The following WASHC5 variants were observed in gnomAD, a reference collection of about 807,000 sequenced individuals.
The protein encoded by WASHC5 is WASH complex subunit strumpellin.
Under a neutral mutation model 150.4 loss-of-function variants are expected in WASHC5, and 101 were observed. The ratio of observed to expected loss-of-function variants is 0.67; its 90% confidence interval spans 0.57 to 0.79. The LOEUF is 0.79. Among genes scored for constraint, WASHC5 ranks in the 30% least tolerant of loss-of-function variants. The pLI is 0.00. For missense variants in WASHC5, 1,195 were observed against 1,396.3 expected, an observed-to-expected ratio of 0.86 and a Z score of 2.30; for synonymous variants, 467 against 491.2, an observed-to-expected ratio of 0.95 and a Z score of 0.65.
At chr8:125,050,237 C>T (rs961058927) in intron 18 of WASHC5, among the ~76,000 whole-genome samples, 12 of 151,876 alleles carry the variant, frequency 7.9e-5, no homozygotes, top group African/African-American at 2.9e-4. Flanking sequence ...TTAGGGTTAC[C>T]AAATTCTTTT....
At chr8:125,026,999 G>C (rs1232019172) in intron 28 of WASHC5, among the ~76,000 whole-genome samples, 1 of 152,018 alleles carries the variant, frequency 6.6e-6, no homozygotes, top group East Asian at 1.9e-4. Context: ...CAGAAACATG[G>C]ACTTTCAAAT....
chr8:125,067,492 G>C, intron 10 of WASHC5, 100 bp downstream of exon 10: 1 of 1,013,876 alleles, frequency 9.9e-7, no homozygotes, highest in Non-Finnish European at 1.5e-6. Context: ...TCTGTACCTT[G>C]AATCAGAGAC....
In WASHC5 at chr8:125,083,818, A is replaced by G. The variant is rs367890687; in HGVS notation, c.81T>C (p.Ala27=). 4.3e-6 allele frequency: 7 copies of G among 1,613,974 alleles called. No individual in the cohort carries two copies. The highest frequency in any genetic ancestry group is 5.9e-6 in the Non-Finnish European group (7 of 1,179,960). ...TAAACTCAGAGAGTCTCAAAAGTTC[A>G]GCAATGATGGCATTACCACAGGAAA... ...RIVSCGNAII[A]ELLRLSEFIP... is the part of the protein sequence containing the mutation. Residue 27 remains alanine, a synonymous_variant, in exon 2 of 29, where the codon GCT becomes GCC. Transcript: ENST00000318410.
At chr8:125,079,359 T>C (rs1817181707) in intron 5 of WASHC5, among the ~76,000 whole-genome samples, 2 of 151,274 alleles carry the variant, frequency 1.3e-5, no homozygotes, top group Non-Finnish European at 2.9e-5. Context: ...CCTGGCTAAT[T>C]TTTGTATTTT....
chr8:125,083,686 A>G (rs1817339224), intron 2 of WASHC5, 27 bp downstream of exon 2: 1 of 1,555,972 alleles, frequency 6.4e-7, no homozygotes, highest in Non-Finnish European at 8.8e-7. Flanking sequence ...AAAAGACAAC[A>G]ATAAAAATGC....
At chr8:125,067,565 T>C (rs1816781232) in intron 10 of WASHC5, 27 bp downstream of exon 10, 1 of 1,580,260 alleles carries the variant, frequency 6.3e-7, no homozygotes, top group African/African-American at 1.3e-5. Flanking sequence ...GCTAAGACTG[T>C]GGTGATATTC....
At chr8:125,032,729 C>T in intron 26 of WASHC5, 2 of 339,458 alleles carry the variant, frequency 5.9e-6, no homozygotes, top group South Asian at 5.0e-5. Context: ...CTACAACTGA[C>T]TTCTGTTAAC....
At chr8:125,084,129 A>T in intron 1 of WASHC5, 107 bp from the exon 2 acceptor site, 1 of 523,574 alleles carries the variant, frequency 1.9e-6, no homozygotes, top group Non-Finnish European at 3.4e-6. Context: ...ATTTTAAGAA[A>T]TAATGAGTTC....
At chr8:125,056,263 G>C (rs1432133125) in intron 16 of WASHC5, among the ~76,000 whole-genome samples, 1 of 152,196 alleles carries the variant, frequency 6.6e-6, no homozygotes, top group Non-Finnish European at 1.5e-5. Flanking sequence ...GAACCTCTGA[G>C]GCTGCTGAAC....
intron 17 of WASHC5, among the ~76,000 whole-genome samples, chr8:125,051,971 G>A (rs1816253817): frequency 6.6e-6 from 1 of 152,166 alleles, no homozygotes; most frequent in African/African-American, 2.4e-5. Flanking sequence ...TAGTTTCACT[G>A]GATAATAAAA....
intron 11 of WASHC5, 115 bp downstream of exon 11, chr8:125,063,406 AT>A: frequency 1.8e-6 from 2 of 1,132,342 alleles, no homozygotes; most frequent in Non-Finnish European, 2.7e-6. Context: ...TAAAGATGGA[AT>A]ATCATAGGAT....
In WASHC5 at chr8:125,088,129, G is replaced by C. The variant is rs528869489; in HGVS notation, c.-125+3486C>G. Among the ~76,000 whole-genome samples, 158 of 152,168 alleles carry C rather than the reference G, an allele frequency of 1.0e-3. 1 individual carries two copies. Among genetic ancestry groups the C allele is most frequent in the Middle Eastern group, 3.4e-3 (1 of 294 alleles). On this transcript the variant is annotated intron_variant, in intron 1 of 28. Transcript: ENST00000318410. Reference sequence around the variant, plus strand: ...AGGTTCCTTCCCTTGAGTATAAGCTGACTTACTGACTCCCTCCTAAAGAGG... The same window carrying C: ...AGGTTCCTTCCCTTGAGTATAAGCTCACTTACTGACTCCCTCCTAAAGAGG...
At chr8:125,063,981 A>G (rs1816676460) in intron 10 of WASHC5, among the ~76,000 whole-genome samples, 1 of 152,148 alleles carries the variant, frequency 6.6e-6, no homozygotes, top group Admixed American at 6.5e-5. Flanking sequence ...CGCATTTTTA[A>G]TGTGAGATTA....
intron 23 of WASHC5, among the ~76,000 whole-genome samples, chr8:125,041,961 C>G (rs954673747): frequency 6.6e-6 from 1 of 152,114 alleles, no homozygotes; most frequent in Non-Finnish European, 1.5e-5. Context: ...GCTTAATTTT[C>G]TATGTGTAGT....
intron 19 of WASHC5, 109 bp from the exon 20 acceptor site, chr8:125,047,440 G>A: frequency 8.3e-7 from 1 of 1,200,500 alleles, no homozygotes; most frequent in Admixed American, 1.9e-5. Flanking sequence ...TGACAATAAA[G>A]GTTGTTTTTT....
intron 18 of WASHC5, among the ~76,000 whole-genome samples, chr8:125,049,859 T>C (rs1024918122): frequency 6.6e-6 from 1 of 151,818 alleles, no homozygotes; most frequent in African/African-American, 2.4e-5. Context: ...AATCAGTCAA[T>C]AGTACAGCAG....
At chr8:125,044,812 CTG>C (rs1816011630) in intron 20 of WASHC5, 114 bp from the exon 21 acceptor site, 14 of 1,081,500 alleles carry the variant, frequency 1.3e-5, no homozygotes, top group Admixed American at 1.7e-5. Context: ...GTTACATGAT[CTG>C]TGTTTTCTAA....
At chr8:125,068,790 G>T (rs1816821666) in intron 9 of WASHC5, among the ~76,000 whole-genome samples, 1 of 152,180 alleles carries the variant, frequency 6.6e-6, no homozygotes, top group Non-Finnish European at 1.5e-5. Context: ...CTAGGCCAAG[G>T]TCACAAAATT....
chr8:125,061,528 A>G (rs185022440), intron 11 of WASHC5, among the ~76,000 whole-genome samples: 8 of 152,316 alleles, frequency 5.3e-5, no homozygotes, highest in South Asian at 2.1e-4. Context: ...TGGAGAAGCG[A>G]GGAAAAGTAA....
Sources: gnomAD v4.1 joint callset for allele counts (sites outside exome capture counted in the v4.1 genomes callset) on GRCh38, gnomAD v4.1.1 for gene constraint, MANE v1.5 for transcripts, NCBI Gene and HGNC (gene_info 2026-07-23, HGNC 2026-07-21) for gene names.